Variants in STAU2 observed in about 807,000 individuals in gnomAD.
STAU2 encodes double-stranded RNA-binding protein Staufen homolog 2.
A neutral mutation model predicts 65.9 loss-of-function variants in STAU2; 20 were observed. The observed-to-expected ratio is 0.30, with a 90% confidence interval of 0.21 to 0.44. The LOEUF (loss-of-function observed/expected upper bound fraction) is 0.44, where lower values mean the gene tolerates loss of function less well. Among genes scored for constraint, STAU2 ranks in the 20% least tolerant of loss-of-function variants. The pLI is 1.00. For synonymous variants in STAU2, 232 were observed against 233.9 expected, an observed-to-expected ratio of 0.99 and a Z score of 0.07; for missense variants, 558 against 683.9, an observed-to-expected ratio of 0.82 and a Z score of 2.05.
At chr8:73,451,335 A>G (rs1818787414) in intron 13 of STAU2, among the ~76,000 whole-genome samples, 1 of 152,144 alleles carries the variant, frequency 6.6e-6, no homozygotes, top group Non-Finnish European at 1.5e-5. Flanking sequence ...TGAAAAGCTG[A>G]AGGAACAGTT....
intron 13 of STAU2, among the ~76,000 whole-genome samples, chr8:73,473,759 T>TA (rs1190219342): frequency 6.6e-6 from 1 of 152,076 alleles, no homozygotes; most frequent in Admixed American, 6.6e-5. Flanking sequence ...GCTCACTAGC[T>TA]AAAAAATAAA....
At position 73,552,236 on chromosome 8, in the gene STAU2, G is replaced by T; in HGVS notation, c.1306C>A (p.Leu436Ile). The T allele has an allele frequency of 1.2e-6, 2 of 1,613,984 alleles. No individual in the cohort carries two copies. Among genetic ancestry groups the T allele is most frequent in the Non-Finnish European group, 1.7e-6 (2 of 1,179,874 alleles). The change falls in exon 13 of 15, where the codon CTA (leucine) becomes ATA (isoleucine). Residue 436 changes from leucine to isoleucine, a missense_variant. Physicochemically the swap from Leu to Ile is conservative, Grantham distance 5. This residue lies in a region of STAU2 where 247 missense variants were observed against 270.1 expected (regional missense o/e 0.91). Transcript: ENST00000524300. The stretch of plus-strand genomic sequence containing the variant: ...ATATCTTTGGGTGACAAATAGCCTA[G>T]AGTAGTGCCAGAGATTACTTTGTGG... Reference protein sequence around the residue: ...SRHKVISGTTLGYLSPKDMNQ... With the variant: ...SRHKVISGTTIGYLSPKDMNQ...
intron 13 of STAU2, among the ~76,000 whole-genome samples, chr8:73,526,738 A>C (rs1805481928): frequency 6.6e-6 from 1 of 152,236 alleles, no homozygotes; most frequent in Non-Finnish European, 1.5e-5. Flanking sequence ...TAAAGTGATT[A>C]TTTTAATGAA....
intron 12 of STAU2, among the ~76,000 whole-genome samples, chr8:73,568,935 A>AT (rs1808825452): frequency 6.6e-6 from 1 of 152,156 alleles, no homozygotes; most frequent in Admixed American, 6.5e-5. Context: ...TGATTTCTGC[A>AT]TTCCAACTGA....
intron 1 of STAU2, chr8:73,742,271 GC>G (rs1460610424): frequency 1.0e-6 from 1 of 983,498 alleles, no homozygotes; most frequent in Non-Finnish European, 1.2e-6. Context: ...GGTGGCTCAC[GC>G]CTGTAATCCC....
At chr8:73,698,050 A>C (rs779502845) in intron 4 of STAU2, among the ~76,000 whole-genome samples, 1 of 152,166 alleles carries the variant, frequency 6.6e-6, no homozygotes, top group Non-Finnish European at 1.5e-5. Context: ...ACTGTACTCC[A>C]GCCTGAGAGA....
At chr8:73,436,518 T>C (rs1044792662) in intron 13 of STAU2, among the ~76,000 whole-genome samples, 9 of 151,960 alleles carry the variant, frequency 5.9e-5, no homozygotes, top group African/African-American at 2.2e-4. Context: ...AATAATACAC[T>C]GAAGCTCCCT....
intron 12 of STAU2, among the ~76,000 whole-genome samples, chr8:73,569,295 A>T (rs1482387322): frequency 6.6e-6 from 1 of 152,144 alleles, no homozygotes; most frequent in Non-Finnish European, 1.5e-5. Context: ...TTGAGTAGGT[A>T]AACAAAGCAG....
intron 13 of STAU2, among the ~76,000 whole-genome samples, chr8:73,438,138 T>C (rs1386087769): frequency 6.6e-6 from 1 of 152,112 alleles, no homozygotes; most frequent in African/African-American, 2.4e-5. Flanking sequence ...CACAGGACTG[T>C]GCTTATTTCC....
intron 7 of STAU2, among the ~76,000 whole-genome samples, chr8:73,617,048 C>T (rs1289595610): frequency 6.6e-6 from 1 of 152,130 alleles, no homozygotes; most frequent in Non-Finnish European, 1.5e-5. Flanking sequence ...TAAGCCAAAT[C>T]AATGTTATTT....
chr8:73,589,776 T>C (rs1398505200), intron 11 of STAU2, among the ~76,000 whole-genome samples: 1 of 152,116 alleles, frequency 6.6e-6, no homozygotes, highest in Non-Finnish European at 1.5e-5. Context: ...GAATAAAATA[T>C]ATTTTAAAAG....
intron 3 of STAU2, chr8:73,732,509 C>T (rs916862696): frequency 6.6e-5 from 10 of 152,174 alleles, no homozygotes; most frequent in Non-Finnish European, 1.2e-4. Context: ...ATTATACCAG[C>T]ATAGGGGAAA....
At chr8:73,609,165 C>T (rs907560360) in intron 9 of STAU2, among the ~76,000 whole-genome samples, 7 of 151,712 alleles carry the variant, frequency 4.6e-5, no homozygotes, top group African/African-American at 1.5e-4. Context: ...GCAGAGCATA[C>T]GGTATTCAGG....
At chr8:73,462,709 T>C (rs1207040959) in intron 13 of STAU2, among the ~76,000 whole-genome samples, 1 of 152,146 alleles carries the variant, frequency 6.6e-6, no homozygotes, top group East Asian at 1.9e-4. Context: ...TAAAACATTA[T>C]AAACCTAAAA....
intron 13 of STAU2, among the ~76,000 whole-genome samples, chr8:73,498,107 T>G (rs1398103990): frequency 6.6e-6 from 1 of 151,862 alleles, no homozygotes; most frequent in Non-Finnish European, 1.5e-5. Flanking sequence ...TGATTTATAT[T>G]ATTTAATGAA....
At chr8:73,628,750 G>A (rs979573281) in intron 6 of STAU2, among the ~76,000 whole-genome samples, 8 of 152,122 alleles carry the variant, frequency 5.3e-5, no homozygotes, top group African/African-American at 1.9e-4. Context: ...TTTTAAAAGA[G>A]GGTTTACACT....
intron 13 of STAU2, among the ~76,000 whole-genome samples, chr8:73,506,709 C>A (rs1055529137): frequency 1.3e-5 from 2 of 152,096 alleles, no homozygotes; most frequent in African/African-American, 4.8e-5. Flanking sequence ...CGGACTAACT[C>A]TTCCTTTCAC....
chr8:73,459,764 G>C (rs1819251087), intron 13 of STAU2, among the ~76,000 whole-genome samples: 1 of 152,166 alleles, frequency 6.6e-6, no homozygotes, highest in African/African-American at 2.4e-5. Flanking sequence ...GTTACTAAGG[G>C]CCCTGGTATG....
At chr8:73,745,358 C>T (rs755688544) in intron 1 of STAU2, among the ~76,000 whole-genome samples, 12 of 152,206 alleles carry the variant, frequency 7.9e-5, no homozygotes, top group Admixed American at 4.6e-4. Context: ...GATTTTTCCA[C>T]CGCAGCTGAG....
Sources: gnomAD v4.1 joint callset for allele counts (sites outside exome capture counted in the v4.1 genomes callset) on GRCh38, gnomAD v4.1.1 for gene constraint, gnomAD v4.1.1 regional missense constraint, MANE v1.5 for transcripts, NCBI Gene and HGNC (gene_info 2026-07-23, HGNC 2026-07-21) for gene names.